The following GNAO1 variants were observed in gnomAD, a reference collection of about 807,000 sequenced individuals.
GNAO1 encodes G protein subunit alpha o1, also known as guanine nucleotide-binding protein G(o) subunit alpha.
For synonymous variants in GNAO1, 164 were observed against 180.7 expected (o/e 0.91, Z 0.74); for missense variants, 166 against 478.7 (o/e 0.35, Z 6.10).
chr16:56,318,129 A>C (rs187118532), intron 3 of GNAO1, among the ~76,000 whole-genome samples: 88 of 152,326 alleles, frequency 5.8e-4, no homozygotes, highest in African/African-American at 2.0e-3. Context: ...AGGCCAGGAA[A>C]GCAGACCCCC....
chr16:56,192,712 G>T, intron 2 of GNAO1, 96 bp downstream of exon 2: 1 of 730,658 alleles, frequency 1.4e-6, no homozygotes, highest in Non-Finnish European at 2.5e-6. Flanking sequence ...CTCCAGGCCT[G>T]TTTTTTAATT....
At chr16:56,235,729 G>C (rs1260888176) in intron 2 of GNAO1, among the ~76,000 whole-genome samples, 3 of 152,232 alleles carry the variant, frequency 2.0e-5, no homozygotes, top group Non-Finnish European at 4.4e-5. Context: ...GGATCACCCA[G>C]CCCTGCCTGG....
At chr16:56,209,827 C>A (rs2036369298) in intron 2 of GNAO1, among the ~76,000 whole-genome samples, 2 of 152,050 alleles carry the variant, frequency 1.3e-5, no homozygotes, top group African/African-American at 4.8e-5. Context: ...CATGCCCAGC[C>A]TCCCCCTTAT....
chr16:56,296,470 C>A (rs531431369), intron 3 of GNAO1, among the ~76,000 whole-genome samples: 15 of 152,250 alleles, frequency 9.9e-5, no homozygotes, highest in African/African-American at 3.1e-4. Flanking sequence ...TTCAAGGATG[C>A]CTGCATGAAC....
intron 3 of GNAO1, among the ~76,000 whole-genome samples, chr16:56,312,180 G>C (rs560828632): frequency 6.6e-6 from 1 of 152,204 alleles, no homozygotes; most frequent in African/African-American, 2.4e-5. Context: ...AGGGCTGCAC[G>C]GGGCTGGCGA....
intron 2 of GNAO1, among the ~76,000 whole-genome samples, chr16:56,245,981 G>A (rs1422270510): frequency 3.3e-5 from 5 of 152,126 alleles, no homozygotes; most frequent in Non-Finnish European, 7.4e-5. Context: ...TGTTTCCAGA[G>A]CCCACACCCA....
intron 2 of GNAO1, among the ~76,000 whole-genome samples, chr16:56,231,358 C>T (rs1449701234): frequency 6.6e-6 from 1 of 152,228 alleles, no homozygotes; most frequent in Non-Finnish European, 1.5e-5. Flanking sequence ...GACACCCTGT[C>T]TTAAATAGCA....
At chr16:56,197,347 C>T (rs1291046556) in intron 2 of GNAO1, among the ~76,000 whole-genome samples, 2 of 152,222 alleles carry the variant, frequency 1.3e-5, no homozygotes, top group African/African-American at 2.4e-5. Context: ...CAAATGGATG[C>T]ACCTTGCTCT....
chr16:56,344,058 A>T, intron 6 of GNAO1: 1 of 1,516,406 alleles, frequency 6.6e-7, no homozygotes, highest in Non-Finnish European at 8.8e-7. Context: ...GAGGAAGAAG[A>T]CCTCAGAGGC....
chr16:56,329,118 G>C (rs1415233290), intron 4 of GNAO1: 1 of 225,798 alleles, frequency 4.4e-6, no homozygotes, highest in African/African-American at 2.3e-5. Context: ...TAGCAGCTTT[G>C]TTTTTTTATA....
At chr16:56,331,277 C>T (rs1329477078) in intron 4 of GNAO1, among the ~76,000 whole-genome samples, 2 of 152,190 alleles carry the variant, frequency 1.3e-5, no homozygotes, top group South Asian at 2.1e-4. Context: ...GGATAACTAC[C>T]TAGAGGCAGG....
At chr16:56,230,677 C>T (rs2036581687) in intron 2 of GNAO1, among the ~76,000 whole-genome samples, 1 of 152,050 alleles carries the variant, frequency 6.6e-6, no homozygotes, top group Admixed American at 6.6e-5. Context: ...GTTTCAGTGA[C>T]TGGGTTTCTG....
chr16:56,348,883 C>T (rs1328349556), intron 6 of GNAO1, among the ~76,000 whole-genome samples: 1 of 152,186 alleles, frequency 6.6e-6, no homozygotes, highest in African/African-American at 2.4e-5. Context: ...TTATGCCTGT[C>T]CTCTGCTCCC....
chr16:56,340,504 G>A (rs901606651), intron 6 of GNAO1: 1 of 294,302 alleles, frequency 3.4e-6, no homozygotes, highest in South Asian at 7.0e-5. Flanking sequence ...TGCGCTGTAC[G>A]TGCATGGTGC....
At position 56,246,677 on chromosome 16, in the gene GNAO1, T is replaced by C. The variant is rs1192628373; in HGVS notation, c.162-29254T>C. ...TCCCCACAGCGCCCTGCTGTGGAGC[T>C]TGTTCTCTGTGTGTCCATGTTCCCC... On this transcript the variant is annotated intron_variant, in intron 2 of 8. Transcript: ENST00000262493. Among the ~76,000 whole-genome samples, 3 of 152,124 alleles carry C rather than the reference T, an allele frequency of 2.0e-5. No individual in the cohort carries two copies. The East Asian group carries it at 5.8e-4, about 29-fold the overall frequency.
chr16:56,247,883 T>C lies in GNAO1; in HGVS notation c.162-28048T>C, dbSNP rs796659563. The stretch of plus-strand genomic sequence containing the variant: ...ATAAATAATCCCTACATTAGGATAT[T>C]TGGAATTGCCAACTAGGTATCATGT... On this transcript the variant is annotated intron_variant, in intron 2 of 8. Coordinates refer to ENST00000262493, the MANE Select transcript of GNAO1 (RefSeq NM_020988.3). Among the ~76,000 whole-genome samples the C allele has an allele frequency of 7.2e-5, 11 of 152,336 alleles. 1 individual carries two copies. The highest frequency in any genetic ancestry group is 2.6e-4 in the African/African-American group (11 of 41,584).
At chr16:56,246,027 T>C (rs1314475394) in intron 2 of GNAO1, among the ~76,000 whole-genome samples, 1 of 152,128 alleles carries the variant, frequency 6.6e-6, no homozygotes, top group Non-Finnish European at 1.5e-5. Context: ...CTGAGATCTC[T>C]GCAGGGCCCC....
At chr16:56,353,874 C>T (rs1372939956) in intron 7 of GNAO1, among the ~76,000 whole-genome samples, 5 of 152,256 alleles carry the variant, frequency 3.3e-5, no homozygotes, top group East Asian at 3.8e-4. Context: ...AAGGCTGTCC[C>T]AACCCCCTGC....
chr16:56,245,659 A>G (rs1477913150), intron 2 of GNAO1: 1 of 154,734 alleles, frequency 6.5e-6, no homozygotes, highest in African/African-American at 2.4e-5. Flanking sequence ...GAATAGAAAG[A>G]GAGCAATTCT....
Sources: gnomAD v4.1 joint callset for allele counts (sites outside exome capture counted in the v4.1 genomes callset) on GRCh38, gnomAD v4.1.1 for gene constraint, MANE v1.5 for transcripts, NCBI Gene and HGNC (gene_info 2026-07-23, HGNC 2026-07-21) for gene names.